PFKFB3: variants seen among roughly 807,000 people sequenced by gnomAD.
The protein encoded by PFKFB3 is 6-phosphofructo-2-kinase/fructose-2,6-biphosphatase 3.
In PFKFB3, 33 loss-of-function variants were observed where a neutral mutation model predicts 68.0. The observed-to-expected ratio is 0.49, with a 90% CI of 0.37 to 0.65. PFKFB3 has a LOEUF of 0.65. PFKFB3 is among the 30% of genes least tolerant of loss of function. PFKFB3 has a pLI of 0.00. For missense variants in PFKFB3, 586 were observed against 712.2 expected, an observed-to-expected ratio of 0.82 and a Z score of 2.02; for synonymous variants, 315 against 288.2, an observed-to-expected ratio of 1.09 and a Z score of -0.94.
At chr10:6,252,949 C>T (rs1387601015) in intron 14 of PFKFB3, among the ~76,000 whole-genome samples, 7 of 152,122 alleles carry the variant, frequency 4.6e-5, no homozygotes, top group African/African-American at 1.2e-4. Context: ...GACAGAGTCT[C>T]GTTCTGTCAC....
intron 1 of PFKFB3, among the ~76,000 whole-genome samples, chr10:6,165,240 CAT>C (rs199756833): frequency 0.011 from 1,637 of 152,280 alleles, 65 homozygotes; most frequent in East Asian, 0.098. Flanking sequence ...TGCCTGCAAA[CAT>C]ATTGTTAACA....
the PFKFB3 span, among the ~76,000 whole-genome samples, chr10:6,320,127 A>C: frequency 6.6e-6 from 1 of 152,080 alleles, no homozygotes; most frequent in Admixed American, 6.6e-5. Context: ...CTTGAGCCCA[A>C]GAGGTTGAGG....
downstream of PFKFB3, among the ~76,000 whole-genome samples, chr10:6,259,593 T>TCCAC (rs1846522408): frequency 5.0e-5 from 1 of 20,192 alleles, no homozygotes; most frequent in Non-Finnish European, 2.6e-4. Flanking sequence ...CATCCATCCA[T>TCCAC]CCATCCATCC....
chr10:6,225,250 T>C, intron 13 of PFKFB3: 1 of 455,984 alleles, frequency 2.2e-6, no homozygotes, highest in Non-Finnish European at 4.4e-6. Context: ...CCGAAACAGG[T>C]GACTGTCTAG....
chr10:6,231,538 C>T lies in PFKFB3; in HGVS notation c.1516-1357C>T, dbSNP rs545201685. The T allele has an allele frequency of 6.2e-5, 61 of 985,416 alleles. 1 individual carries two copies. The African/African-American group carries it at 8.9e-4, about 14-fold the overall frequency. 61.0% of individuals were successfully genotyped at this position (985,416 alleles called of 1,614,324 possible). On this transcript the variant is annotated intron_variant, in intron 14 of 14. Transcript: ENST00000379775. The stretch of plus-strand genomic sequence containing the variant: ...CGTGGACATCACCCGGTCTTGCAGG[C>T]TCTCCACTGTTATTGTTGCATCGCC...
downstream of PFKFB3, among the ~76,000 whole-genome samples, chr10:6,258,768 G>A (rs1417681383): frequency 6.6e-6 from 1 of 152,136 alleles, no homozygotes; most frequent in Admixed American, 6.5e-5. Context: ...TGATGGCCTT[G>A]GCAGAACATT....
At chr10:6,268,819 C>T in the PFKFB3 span, among the ~76,000 whole-genome samples, 1 of 150,936 alleles carries the variant, frequency 6.6e-6, no homozygotes, top group Non-Finnish European at 1.5e-5. Flanking sequence ...CCCAGGAGTT[C>T]GAGACCAGCC....
intron 14 of PFKFB3, among the ~76,000 whole-genome samples, chr10:6,241,629 C>T (rs910672149): frequency 4.6e-5 from 7 of 152,054 alleles, no homozygotes; most frequent in African/African-American, 1.4e-4. Flanking sequence ...CCCAGGAGTC[C>T]GATACCAGCC....
At chr10:6,257,362 C>G (rs911226335), downstream of PFKFB3, among the ~76,000 whole-genome samples, 16 of 152,118 alleles carry the variant, frequency 1.1e-4, no homozygotes, top group African/African-American at 3.1e-4. Flanking sequence ...TAACTCAACT[C>G]TGGGAAAAAT....
At chr10:6,145,068 G>A in intron 1 of PFKFB3, 2 of 1,275,196 alleles carry the variant, frequency 1.6e-6, no homozygotes, top group South Asian at 2.3e-5. Context: ...GACCTGAGCG[G>A]CCGCCTGTGG....
chr10:6,274,511 C>T, the PFKFB3 span, among the ~76,000 whole-genome samples: 4 of 152,136 alleles, frequency 2.6e-5, no homozygotes, highest in Admixed American at 6.5e-5. Context: ...TGAAAACAAC[C>T]GTAATTTCAC....
chr10:6,178,156 T>C (rs550967738), intron 1 of PFKFB3, among the ~76,000 whole-genome samples: 36 of 152,288 alleles, frequency 2.4e-4, no homozygotes, highest in African/African-American at 8.2e-4. Flanking sequence ...CCCGGTGACC[T>C]TGGGCTGTGG....
At position 6,233,689 on chromosome 10, in the gene PFKFB3, C is replaced by A. The variant is rs767121904; in HGVS notation, c.*747C>A. 2.0e-5 allele frequency: 3 copies of A among 152,860 alleles called. No individual in the cohort carries two copies. Among genetic ancestry groups the A allele is most frequent in the Non-Finnish European group, 2.9e-5 (2 of 68,076 alleles). The allele number at this position is 152,860 out of a possible 1,614,324, so 9.5% of individuals were successfully genotyped here. A position where few individuals can be genotyped will look rare whatever the true frequency, so the allele number is the denominator to read the frequency against. ...GCTCCCAGGGAGCTCCAGGGCCCCTCTCTCCTCCCACCTGGACTTGGGGGG... is the reference window on the plus strand; with the variant it reads ...GCTCCCAGGGAGCTCCAGGGCCCCTATCTCCTCCCACCTGGACTTGGGGGG... On this transcript the variant is annotated 3_prime_UTR_variant, in exon 15 of 15. Coordinates refer to ENST00000379775, the MANE Select transcript of PFKFB3 (RefSeq NM_004566.4).
At chr10:6,179,717 C>T (rs1177213746) in intron 1 of PFKFB3, among the ~76,000 whole-genome samples, 7 of 152,180 alleles carry the variant, frequency 4.6e-5, no homozygotes, top group Non-Finnish European at 8.8e-5. Flanking sequence ...AAGGCTGCGG[C>T]AGCTCAGATG....
At position 6,205,388 on chromosome 10, in the gene PFKFB3, C is replaced by T. The variant is rs1462256329; in HGVS notation, c.76+2052C>T. On this transcript the variant is annotated intron_variant, in intron 1 of 14. Transcript: ENST00000379775. ...ACATTGGGTGGGTTTTTCTTTCTTC[C>T]TTTTTTTTTTTTTTTTTTTTTTGAC... Among the ~76,000 whole-genome samples, 265 of 106,518 alleles carry T rather than the reference C, an allele frequency of 2.5e-3. 1 individual carries two copies. The highest frequency in any genetic ancestry group is 3.6e-3 in the Non-Finnish European group (200 of 55,808). The allele number at this position is 106,518 out of a possible 152,430, so 69.9% of individuals were successfully genotyped here.
rs12255582 is a variant in PFKFB3, at chr10:6,229,328, C to T, written c.1515+2963C>T. 22,262 of 351,446 alleles carry T rather than the reference C, an allele frequency of 0.063. 1,355 individuals are homozygous for T. The highest frequency in any genetic ancestry group is 0.18 in the African/African-American group (8,317 of 46,540). The allele number at this position is 351,446 out of a possible 1,614,324, so 21.8% of individuals were successfully genotyped here. A position where few individuals can be genotyped will look rare whatever the true frequency, so the allele number is the denominator to read the frequency against. On this transcript the variant is annotated intron_variant, in intron 14 of 14. Coordinates refer to ENST00000379775, the MANE Select transcript of PFKFB3 (RefSeq NM_004566.4). The surrounding 1 kb of genome is among the most constrained non-coding windows in gnomAD (Gnocchi z 4.3). ...TTTAATGGTTGAGGGGCTGAGTGAC[C>T]GGCCCGTGCTTCCAGCAGGTGAGCC...
chr10:6,266,718 A>G, the PFKFB3 span, among the ~76,000 whole-genome samples: 7 of 152,376 alleles, frequency 4.6e-5, no homozygotes, highest in South Asian at 1.2e-3. Flanking sequence ...GACTGTCCAC[A>G]TATTTTGCAG....
intron 1 of PFKFB3, among the ~76,000 whole-genome samples, chr10:6,176,353 T>C (rs1842471607): frequency 6.6e-6 from 1 of 152,300 alleles, no homozygotes; most frequent in South Asian, 2.1e-4. Flanking sequence ...TAGGCATGCT[T>C]TCCTGTGAGG....
chr10:6,193,662 G>A (rs1843091598), intron 1 of PFKFB3, among the ~76,000 whole-genome samples: 1 of 152,236 alleles, frequency 6.6e-6, no homozygotes, highest in Admixed American at 6.5e-5. Context: ...CAAAAAAGGA[G>A]TCAGCAAAGG....
Sources: allele counts gnomAD v4.1 joint callset (sites outside exome capture counted in the v4.1 genomes callset), GRCh38; gene constraint gnomAD v4.1.1; non-coding constraint Gnocchi (gnomAD v3.1); transcripts MANE v1.5; gene names NCBI Gene and HGNC (gene_info 2026-07-23, HGNC 2026-07-21).